ADCY2: variants seen among roughly 807,000 people sequenced by gnomAD.
ADCY2 encodes the protein adenylate cyclase type 2.
ADCY2 carries 31 observed loss-of-function variants against 125.2 expected under a neutral mutation model. That is an observed-to-expected ratio of 0.25 (90% CI 0.19 to 0.33). ADCY2 has a LOEUF of 0.33. Ranked by LOEUF, ADCY2 falls within the 10% of genes least tolerant of loss-of-function variation. ADCY2 has a pLI of 1.00. For missense variants in ADCY2, 904 were observed against 1,418.2 expected, an observed-to-expected ratio of 0.64 and a Z score of 5.82; for synonymous variants, 512 against 548.4, an observed-to-expected ratio of 0.93 and a Z score of 0.93.
At chr5:7,593,976 T>C (rs16878800) in intron 3 of ADCY2, among the ~76,000 whole-genome samples, 3,712 of 152,236 alleles carry the variant, frequency 0.024, 145 homozygotes, top group African/African-American at 0.084. Context: ...AGAAAACCAG[T>C]GTACAGTACA....
At chr5:7,592,990 T>C (rs1295293312) in intron 3 of ADCY2, among the ~76,000 whole-genome samples, 2 of 152,064 alleles carry the variant, frequency 1.3e-5, no homozygotes, top group African/African-American at 4.8e-5. Context: ...TAGCTTGAGG[T>C]TTTATGTTAC....
chr5:7,727,055 C>A (rs1741954655), intron 13 of ADCY2, 109 bp from the exon 14 acceptor site: 8 of 772,016 alleles, frequency 1.0e-5, no homozygotes, highest in Non-Finnish European at 1.5e-5. Flanking sequence ...CTGCAATCTG[C>A]ACAATTTCTG....
intron 1 of ADCY2, among the ~76,000 whole-genome samples, chr5:7,407,233 C>A (rs1739529747): frequency 6.6e-6 from 1 of 152,152 alleles, no homozygotes; most frequent in Admixed American, 6.5e-5. Flanking sequence ...ACTCAGAAGT[C>A]TTTGTAAGGC....
chr5:7,723,701 C>T (rs1294581742), intron 12 of ADCY2, among the ~76,000 whole-genome samples: 1 of 151,892 alleles, frequency 6.6e-6, no homozygotes, highest in African/African-American at 2.4e-5. Context: ...GGCGCGTGGA[C>T]CACGAGGTTG....
intron 1 of ADCY2, among the ~76,000 whole-genome samples, chr5:7,407,670 G>A (rs1207531020): frequency 2.0e-5 from 3 of 152,112 alleles, no homozygotes; most frequent in African/African-American, 7.2e-5. Context: ...AGCAGCCAGT[G>A]TCTGCTGGGC....
chr5:7,774,919 C>CAATGTGAAAT (rs1743673107), intron 18 of ADCY2, among the ~76,000 whole-genome samples: 1 of 152,132 alleles, frequency 6.6e-6, no homozygotes, highest in Non-Finnish European at 1.5e-5. Context: ...ATACATCTTG[C>CAATGTGAAAT]AATGTGAAAT....
intron 4 of ADCY2, among the ~76,000 whole-genome samples, chr5:7,652,808 T>G (rs1464661198): frequency 6.6e-6 from 1 of 152,172 alleles, no homozygotes; most frequent in East Asian, 1.9e-4. Context: ...TCCCTTGCCT[T>G]CTACAAAGAG....
chr5:7,405,959 A>C (rs924335290), intron 1 of ADCY2, among the ~76,000 whole-genome samples: 1 of 151,982 alleles, frequency 6.6e-6, no homozygotes, highest in Non-Finnish European at 1.5e-5. Context: ...CCCTGGGCTC[A>C]AGTTATCCTC....
rs1318867952 is a variant in ADCY2, at chr5:7,827,935, C to A, written c.*1064C>A. ...AAAGAATAATTTGGAATCAGCTATGCAAATCAGTCTCACAATAGCGTGAGC... is the reference window on the plus strand; with the variant it reads ...AAAGAATAATTTGGAATCAGCTATGAAAATCAGTCTCACAATAGCGTGAGC... On this transcript the variant is annotated 3_prime_UTR_variant, in exon 25 of 25. Coordinates refer to ENST00000338316, the MANE Select transcript of ADCY2 (RefSeq NM_020546.3). 3 of 152,668 alleles carry A rather than the reference C, an allele frequency of 2.0e-5. No individual in the cohort carries two copies. Among genetic ancestry groups the A allele is most frequent in the Non-Finnish European group, 4.4e-5 (3 of 68,056 alleles). The allele number at this position is 152,668 out of a possible 1,614,324, so 9.5% of individuals were successfully genotyped here.
chr5:7,632,585 GA>G (rs948997146), intron 4 of ADCY2, among the ~76,000 whole-genome samples: 9 of 149,078 alleles, frequency 6.0e-5, no homozygotes, highest in African/African-American at 1.7e-4. Context: ...CTTGAAAACT[GA>G]AAAAAAAATG....
chr5:7,475,953 G>T (rs1742510320), intron 2 of ADCY2, among the ~76,000 whole-genome samples: 1 of 152,174 alleles, frequency 6.6e-6, no homozygotes, highest in Admixed American at 6.5e-5. Flanking sequence ...TCATATGTGA[G>T]TAATGTACTT....
At chr5:7,564,979 A>T (rs1305846339) in intron 3 of ADCY2, among the ~76,000 whole-genome samples, 1 of 152,246 alleles carries the variant, frequency 6.6e-6, no homozygotes, top group Non-Finnish European at 1.5e-5. Context: ...AGGTTTATGC[A>T]AATTGCCTAG....
At chr5:7,742,231 G>A (rs1742461050) in intron 14 of ADCY2, among the ~76,000 whole-genome samples, 1 of 152,036 alleles carries the variant, frequency 6.6e-6, no homozygotes, top group Admixed American at 6.6e-5. Context: ...TTAGTCATGA[G>A]GATAATGGCA....
intron 4 of ADCY2, among the ~76,000 whole-genome samples, chr5:7,645,027 T>C (rs1330327675): frequency 6.6e-6 from 1 of 152,182 alleles, no homozygotes; most frequent in Non-Finnish European, 1.5e-5. Context: ...TGGCTGTAGT[T>C]TCATGCTCTT....
intron 13 of ADCY2, among the ~76,000 whole-genome samples, chr5:7,725,364 TA>T (rs1263017260): frequency 6.6e-6 from 1 of 152,230 alleles, no homozygotes; most frequent in Admixed American, 6.5e-5. Flanking sequence ...GCTCTGGTAT[TA>T]AAATTATGTT....
chr5:7,427,542 T>A (rs1299408033), intron 2 of ADCY2, among the ~76,000 whole-genome samples: 1 of 152,106 alleles, frequency 6.6e-6, no homozygotes, highest in Non-Finnish European at 1.5e-5. Flanking sequence ...ATCCACTCAC[T>A]TCCCATCAGG....
intron 24 of ADCY2, among the ~76,000 whole-genome samples, chr5:7,823,237 A>T (rs958833745): frequency 3.9e-5 from 6 of 152,258 alleles, no homozygotes; most frequent in African/African-American, 1.4e-4. Context: ...GAAGGAAGAG[A>T]TAAAAGAAAA....
chr5:7,802,233 T>G lies in ADCY2; in HGVS notation c.2644T>G (p.Ser882Ala). ...SLKNEELYHQ[S>A]YDCVCVMFAS... Reference sequence around the variant, plus strand: ...TCCCAAGCAGGAGCTATACCACCAGTCCTATGACTGCGTCTGCGTCATGTT... The same window carrying G: ...TCCCAAGCAGGAGCTATACCACCAGGCCTATGACTGCGTCTGCGTCATGTT... The change falls in exon 21 of 25, where the codon TCC becomes GCC. Residue 882 changes from serine to alanine, a missense_variant. By Grantham distance (99) the Ser-to-Ala change is moderately conservative. Coordinates refer to ENST00000338316, the MANE Select transcript of ADCY2 (RefSeq NM_020546.3). The surrounding 1 kb of genome is among the most constrained non-coding windows in gnomAD (Gnocchi z 4.6). 2.5e-6 allele frequency: 4 copies of G among 1,613,814 alleles called. No individual in the cohort carries two copies. Among genetic ancestry groups the G allele is most frequent in the Non-Finnish European group, 2.5e-6 (3 of 1,179,870 alleles).
chr5:7,615,262 C>T (rs1579237739), intron 3 of ADCY2, among the ~76,000 whole-genome samples: 1 of 152,180 alleles, frequency 6.6e-6, no homozygotes, highest in African/African-American at 2.4e-5. Flanking sequence ...GACCATATCA[C>T]TCCCCTTGCC....
Sources: gnomAD v4.1 joint callset for allele counts (sites outside exome capture counted in the v4.1 genomes callset) on GRCh38, gnomAD v4.1.1 for gene constraint, Gnocchi (gnomAD v3.1) non-coding constraint, MANE v1.5 for transcripts, NCBI Gene and HGNC (gene_info 2026-07-23, HGNC 2026-07-21) for gene names.